SLC24A3: variants seen among roughly 807,000 people sequenced by gnomAD.
SLC24A3 encodes the protein sodium/potassium/calcium exchanger 3.
A neutral mutation model predicts 75.8 loss-of-function variants in SLC24A3; 28 were observed. That is an observed-to-expected ratio of 0.37 (90% CI 0.27 to 0.51). The LOEUF (loss-of-function observed/expected upper bound fraction) is 0.51. SLC24A3 is among the 20% of genes least tolerant of loss of function. SLC24A3 has a pLI of 0.94. For synonymous variants in SLC24A3, 372 were observed against 334.1 expected, an observed-to-expected ratio of 1.11 and a Z score of -1.24; for missense variants, 663 against 847.8, an observed-to-expected ratio of 0.78 and a Z score of 2.71.
At chr20:19,547,379 A>G (rs1366912924) in intron 3 of SLC24A3, among the ~76,000 whole-genome samples, 1 of 152,220 alleles carries the variant, frequency 6.6e-6, no homozygotes, top group Non-Finnish European at 1.5e-5. Flanking sequence ...GAAGATGAGG[A>G]TAGGAGTAAG....
chr20:19,298,722 G>A (rs980180655), intron 2 of SLC24A3, among the ~76,000 whole-genome samples: 1 of 152,196 alleles, frequency 6.6e-6, no homozygotes, highest in African/African-American at 2.4e-5. Context: ...CCTTTGCCAG[G>A]CAGATCTTTT....
intron 2 of SLC24A3, among the ~76,000 whole-genome samples, chr20:19,371,140 G>A (rs1470237885): frequency 6.6e-6 from 1 of 152,120 alleles, no homozygotes; most frequent in Non-Finnish European, 1.5e-5. Flanking sequence ...GCTGAAGTTT[G>A]TCCTCCATGG....
chr20:19,443,315 A>G (rs1391009745), intron 2 of SLC24A3, among the ~76,000 whole-genome samples: 1 of 152,112 alleles, frequency 6.6e-6, no homozygotes, highest in Non-Finnish European at 1.5e-5. Flanking sequence ...ATCCATTAAC[A>G]TGGAATGTCT....
chr20:19,349,162 A>C (rs1334197471), intron 2 of SLC24A3, among the ~76,000 whole-genome samples: 1 of 152,172 alleles, frequency 6.6e-6, no homozygotes, highest in Non-Finnish European at 1.5e-5. Flanking sequence ...TTCTCTAAGA[A>C]GTTCTTTCCT....
chr20:19,238,347 T>C (rs1412519999), intron 1 of SLC24A3, among the ~76,000 whole-genome samples: 1 of 152,220 alleles, frequency 6.6e-6, no homozygotes, highest in East Asian at 1.9e-4. Flanking sequence ...CCGTTCACAG[T>C]TTTATTGTGA....
chr20:19,220,833 A>G (rs1406867420), intron 1 of SLC24A3, among the ~76,000 whole-genome samples: 1 of 152,164 alleles, frequency 6.6e-6, no homozygotes, highest in East Asian at 1.9e-4. Flanking sequence ...GGATTTTATA[A>G]AAAAGTAATA....
intron 1 of SLC24A3, among the ~76,000 whole-genome samples, chr20:19,237,665 A>G (rs1280460702): frequency 6.6e-6 from 1 of 152,170 alleles, no homozygotes; most frequent in African/African-American, 2.4e-5. Context: ...TCGTCATTGA[A>G]TGGACAACAG....
intron 1 of SLC24A3, among the ~76,000 whole-genome samples, chr20:19,218,887 T>C (rs56236854): frequency 1.8e-4 from 28 of 152,284 alleles, no homozygotes; most frequent in Non-Finnish European, 4.0e-4. Context: ...ACACAGACTT[T>C]CATAATGGGG....
At chr20:19,518,072 C>A (rs1600262632) in intron 3 of SLC24A3, among the ~76,000 whole-genome samples, 1 of 152,208 alleles carries the variant, frequency 6.6e-6, no homozygotes, top group Non-Finnish European at 1.5e-5. Flanking sequence ...GTAAATTATT[C>A]TTTCTATCCC....
At chr20:19,327,204 T>A (rs142307941) in intron 2 of SLC24A3, among the ~76,000 whole-genome samples, 1 of 152,332 alleles carries the variant, frequency 6.6e-6, no homozygotes, top group East Asian at 1.9e-4. Context: ...GCGTTGAGCT[T>A]GTCCAGCTAT....
At chr20:19,358,357 T>C (rs1985727770) in intron 2 of SLC24A3, among the ~76,000 whole-genome samples, 1 of 152,106 alleles carries the variant, frequency 6.6e-6, no homozygotes, top group Non-Finnish European at 1.5e-5. Flanking sequence ...GGATGGCCTG[T>C]TATAGACCTC....
chr20:19,426,010 T>A (rs1204145782), intron 2 of SLC24A3, among the ~76,000 whole-genome samples: 1 of 152,196 alleles, frequency 6.6e-6, no homozygotes, highest in Non-Finnish European at 1.5e-5. Flanking sequence ...TGAGGAATAA[T>A]CACTAGAAAC....
At chr20:19,293,491 A>G (rs1437355470) in intron 2 of SLC24A3, among the ~76,000 whole-genome samples, 1 of 151,918 alleles carries the variant, frequency 6.6e-6, no homozygotes. Context: ...ACCCATCTCT[A>G]CTAAAAATAC....
intron 4 of SLC24A3, among the ~76,000 whole-genome samples, chr20:19,584,426 A>G (rs193161311): frequency 1.3e-3 from 192 of 152,330 alleles, no homozygotes; most frequent in African/African-American, 4.4e-3. Flanking sequence ...CATGAGCGTC[A>G]TTTAGCCTGA....
intron 2 of SLC24A3, among the ~76,000 whole-genome samples, chr20:19,367,570 G>A (rs1364356335): frequency 6.6e-6 from 1 of 152,074 alleles, no homozygotes; most frequent in Non-Finnish European, 1.5e-5. Context: ...TAGAAAAGAG[G>A]TGGCGTCACA....
At chr20:19,622,564 T>C (rs749045262) in intron 6 of SLC24A3, among the ~76,000 whole-genome samples, 4 of 152,152 alleles carry the variant, frequency 2.6e-5, no homozygotes, top group Non-Finnish European at 5.9e-5. Context: ...GTGTCGACTT[T>C]TGAGAAGGTC....
intron 2 of SLC24A3, among the ~76,000 whole-genome samples, chr20:19,441,668 A>T (rs1407743989): frequency 6.6e-6 from 1 of 152,132 alleles, no homozygotes; most frequent in Admixed American, 6.5e-5. Flanking sequence ...TGAACAAATA[A>T]TGATGCATTA....
intron 2 of SLC24A3, among the ~76,000 whole-genome samples, chr20:19,344,341 T>C (rs1170979749): frequency 6.6e-6 from 1 of 152,220 alleles, no homozygotes; most frequent in Non-Finnish European, 1.5e-5. Context: ...TTGCGAGCAT[T>C]CTGAATCCTA....
At chr20:19,449,189 G>T (rs903040740) in intron 2 of SLC24A3, among the ~76,000 whole-genome samples, 3 of 150,082 alleles carry the variant, frequency 2.0e-5, no homozygotes, top group Non-Finnish European at 2.9e-5. Context: ...AGTGGTGGCT[G>T]CAGGCAGAGT....
Sources: gnomAD v4.1 joint callset for allele counts (sites outside exome capture counted in the v4.1 genomes callset) on GRCh38, gnomAD v4.1.1 for gene constraint, MANE v1.5 for transcripts, NCBI Gene and HGNC (gene_info 2026-07-23, HGNC 2026-07-21) for gene names.